Variants in ERAP1 observed in about 807,000 individuals in gnomAD.
ERAP1 encodes endoplasmic reticulum aminopeptidase 1, also known as adipocyte-derived leucine aminopeptidase.
In ERAP1, 86 loss-of-function variants were observed where a neutral mutation model predicts 103.7. The ratio of observed to expected loss-of-function variants is 0.83; its 90% CI spans 0.70 to 0.99. ERAP1 has a LOEUF of 0.99. Among genes scored for constraint, ERAP1 ranks in the 50% least tolerant of loss-of-function variants. ERAP1 has a pLI of 0.00. For synonymous variants in ERAP1, 398 were observed against 402.4 expected, an observed-to-expected ratio of 0.99 and a Z score of 0.13; for missense variants, 1,009 against 1,128.4, an observed-to-expected ratio of 0.89 and a Z score of 1.52.
At chr5:96,786,595 A>T (rs747111722) in intron 11 of ERAP1, 46 bp from the exon 12 acceptor site, 11 of 1,272,574 alleles carry the variant, frequency 8.6e-6, no homozygotes, top group Non-Finnish European at 1.1e-5. Flanking sequence ...ATTCAATTCA[A>T]CAAGCAGTTA....
chr5:96,807,247 GGAGA>G lies in ERAP1; in HGVS notation c.-18+609_-18+612del, dbSNP rs1349947563. 3.3e-5 allele frequency among the ~76,000 whole-genome samples: 5 copies of G among 152,324 alleles called. No homozygotes were observed. In the South Asian group the frequency reaches 8.3e-4, roughly 25 times the overall value. On this transcript the variant is annotated intron_variant, in intron 1 of 18. Transcript: ENST00000443439. Reference sequence around the variant, plus strand: ...AACCCAGCCAGAGCCAGAGCGAAGGGGAGAGAGAGAATTGCTGACCAGAAGAACA... The same window carrying G: ...AACCCAGCCAGAGCCAGAGCGAAGGGGAGAGAATTGCTGACCAGAAGAACA...
chr5:96,809,996 ACAAACAGGG>A (rs1779058606), upstream of ERAP1, among the ~76,000 whole-genome samples: 6 of 152,296 alleles, frequency 3.9e-5, no homozygotes, highest in South Asian at 1.2e-3. Flanking sequence ...AGCTGAGGAG[ACAAACAGGG>A]CAATGCCCTG....
At chr5:96,839,611 C>A in the ERAP1 span, among the ~76,000 whole-genome samples, 7 of 152,174 alleles carry the variant, frequency 4.6e-5, no homozygotes, top group African/African-American at 1.7e-4. Flanking sequence ...TATATATCGA[C>A]ACGGTCCACA....
chr5:96,828,374 T>G, the ERAP1 span, among the ~76,000 whole-genome samples: 1 of 152,132 alleles, frequency 6.6e-6, no homozygotes, highest in Non-Finnish European at 1.5e-5. Context: ...TAAACATTAG[T>G]AATAATAATA....
At chr5:96,903,196 A>G in the ERAP1 span, among the ~76,000 whole-genome samples, 2 of 152,224 alleles carry the variant, frequency 1.3e-5, no homozygotes, top group Non-Finnish European at 2.9e-5. Flanking sequence ...TATTAATTTA[A>G]TAAGACCATC....
chr5:96,812,266 A>G (rs1038745104), upstream of ERAP1, among the ~76,000 whole-genome samples: 2 of 152,238 alleles, frequency 1.3e-5, no homozygotes, highest in African/African-American at 2.4e-5. Flanking sequence ...GTAAAGCTCT[A>G]CTATTTCAAA....
At chr5:96,855,655 G>A in the ERAP1 span, among the ~76,000 whole-genome samples, 12 of 152,170 alleles carry the variant, frequency 7.9e-5, no homozygotes, top group African/African-American at 1.9e-4. Flanking sequence ...CTAGCTAACC[G>A]TCAGAGGCAA....
At chr5:96,863,626 T>C in the ERAP1 span, among the ~76,000 whole-genome samples, 1 of 152,192 alleles carries the variant, frequency 6.6e-6, no homozygotes, top group Non-Finnish European at 1.5e-5. Flanking sequence ...CTGTATTTTC[T>C]CTTAGCAGAT....
At chr5:96,902,574 A>G in the ERAP1 span, 4 of 422,452 alleles carry the variant, frequency 9.5e-6, no homozygotes, top group Admixed American at 1.2e-4. Context: ...TTAGAGACAG[A>G]TTATTTACAT....
chr5:96,862,999 C>T, the ERAP1 span, among the ~76,000 whole-genome samples: 1 of 152,188 alleles, frequency 6.6e-6, no homozygotes, highest in Non-Finnish European at 1.5e-5. Flanking sequence ...GAAAGTGGCA[C>T]ACTTGCCATG....
Position 96,782,007 on chromosome 5 carries a change from AATTTTT to A in ERAP1, c.2286-159_2286-154del, listed in dbSNP as rs1561669174. ...AAAACTACTGATTTCCTTCAGTTAC[AATTTTT>A]TTTTTTTTTTTTTTTAGGACGGAGT... On this transcript the variant is annotated intron_variant, in intron 15 of 18. Coordinates refer to ENST00000443439, the MANE Select transcript of ERAP1 (RefSeq NM_001040458.3). Among the ~76,000 whole-genome samples, 20 of 118,686 alleles carry A rather than the reference AATTTTT, an allele frequency of 1.7e-4. 1 individual carries two copies. The highest frequency in any genetic ancestry group is 2.3e-4 in the Non-Finnish European group (13 of 56,488). 77.9% of individuals were successfully genotyped at this position (118,686 alleles called of 152,430 possible). A position where few individuals can be genotyped will look rare whatever the true frequency, so the allele number is the denominator to read the frequency against.
At chr5:96,777,394 T>C (rs1285820154) in intron 18 of ERAP1, among the ~76,000 whole-genome samples, 2 of 152,220 alleles carry the variant, frequency 1.3e-5, no homozygotes, top group Non-Finnish European at 2.9e-5. Context: ...CAGCATAGAT[T>C]CCAGACAGCC....
chr5:96,902,426 A>G, the ERAP1 span: 3 of 890,836 alleles, frequency 3.4e-6, no homozygotes, highest in Non-Finnish European at 5.6e-6. Flanking sequence ...TGAAGGAACG[A>G]TACAATAAGT....
At chr5:96,856,460 T>C in the ERAP1 span, among the ~76,000 whole-genome samples, 7,254 of 149,808 alleles carry the variant, frequency 0.048, 219 homozygotes, top group South Asian at 0.1. Context: ...AAGTATGTTT[T>C]AGTACAATGC....
At chr5:96,852,183 T>G in the ERAP1 span, among the ~76,000 whole-genome samples, 2 of 152,228 alleles carry the variant, frequency 1.3e-5, no homozygotes, top group Non-Finnish European at 2.9e-5. Flanking sequence ...ATTTAAATGT[T>G]ATTATTAAAA....
the ERAP1 span, among the ~76,000 whole-genome samples, chr5:96,856,781 C>G: frequency 2.0e-5 from 3 of 152,222 alleles, no homozygotes; most frequent in Non-Finnish European, 4.4e-5. Flanking sequence ...GTCTCTCCCA[C>G]TTGATACCAT....
the ERAP1 span, chr5:96,909,836 T>C: frequency 6.7e-7 from 1 of 1,487,970 alleles, no homozygotes; most frequent in Non-Finnish European, 9.1e-7. Context: ...AAGCAAGACA[T>C]TAGGTCTAAA....
the ERAP1 span, among the ~76,000 whole-genome samples, chr5:96,816,765 G>A: frequency 6.6e-6 from 1 of 152,138 alleles, no homozygotes; most frequent in Non-Finnish European, 1.5e-5. Flanking sequence ...AAAAGACACA[G>A]AACACAGACA....
At chr5:96,902,080 T>C in the ERAP1 span, among the ~76,000 whole-genome samples, 3 of 152,248 alleles carry the variant, frequency 2.0e-5, no homozygotes, top group Non-Finnish European at 4.4e-5. Flanking sequence ...TGCTCCTTTA[T>C]AATTATCATG....
Sources: gnomAD v4.1 joint callset for allele counts (sites outside exome capture counted in the v4.1 genomes callset) on GRCh38, gnomAD v4.1.1 for gene constraint, MANE v1.5 for transcripts, NCBI Gene and HGNC (gene_info 2026-07-23, HGNC 2026-07-21) for gene names.